Variants in VWC2 observed in about 807,000 individuals in gnomAD.
VWC2 encodes the protein brorin.
A neutral mutation model predicts 29.8 loss-of-function variants in VWC2; 14 were observed. The observed-to-expected ratio is 0.47, with a 90% CI of 0.31 to 0.74. The LOEUF is 0.74. VWC2 is among the 30% of genes least tolerant of loss of function. The probability of loss-of-function intolerance (pLI) is 0.05; values close to 1 mark genes in which losing one functional copy is unlikely to be tolerated. For synonymous variants in VWC2, 213 were observed against 199.0 expected, an observed-to-expected ratio of 1.07 and a Z score of -0.59; for missense variants, 457 against 459.8, an observed-to-expected ratio of 0.99 and a Z score of 0.05.
At chr7:49,803,061 G>A (rs188484899) in intron 3 of VWC2, among the ~76,000 whole-genome samples, 1 of 152,354 alleles carries the variant, frequency 6.6e-6, no homozygotes, top group East Asian at 1.9e-4. Flanking sequence ...ATGTTAAGAA[G>A]TTCTTTGGGG....
intron 3 of VWC2, among the ~76,000 whole-genome samples, chr7:49,846,980 C>A (rs553262381): frequency 6.6e-6 from 1 of 152,272 alleles, no homozygotes; most frequent in East Asian, 1.9e-4. Context: ...CAGTGTGAGG[C>A]TGTAAATTTC....
intron 3 of VWC2, among the ~76,000 whole-genome samples, chr7:49,901,517 T>C (rs960831734): frequency 6.6e-6 from 1 of 151,774 alleles, no homozygotes; most frequent in Non-Finnish European, 1.5e-5. Context: ...ATAAGATCTA[T>C]ATGAGGAAAA....
In VWC2 at chr7:49,877,481, A is replaced by AAAAAATATACATATATATATATATAT; in HGVS notation, c.827-34552_827-34551insAAAATATACATATATATATATATATA. 9.0e-3 allele frequency among the ~76,000 whole-genome samples: 115 copies of AAAAAATATACATATATATATATATAT among 12,728 alleles called. 33 individuals are homozygous for AAAAAATATACATATATATATATATAT. Among genetic ancestry groups the AAAAAATATACATATATATATATATAT allele is most frequent in the Non-Finnish European group, 0.013 (89 of 6,950 alleles). 8.4% of individuals were successfully genotyped at this position (12,728 alleles called of 152,430 possible). A position where few individuals can be genotyped will look rare whatever the true frequency, so the allele number is the denominator to read the frequency against. Reference sequence around the variant, plus strand: ...CTGTCTCAAAAAAAAAAAAAAAAAAAATATATATATATATATATATATATA... The same window carrying AAAAAATATACATATATATATATATAT: ...CTGTCTCAAAAAAAAAAAAAAAAAAAAAAAATATACATATATATATATATATATATATATATATATATATATATATA... On this transcript the variant is annotated intron_variant, in intron 3 of 3. Coordinates refer to ENST00000340652, the MANE Select transcript of VWC2 (RefSeq NM_198570.5).
At chr7:49,879,070 G>A (rs778408701) in intron 3 of VWC2, among the ~76,000 whole-genome samples, 2 of 152,102 alleles carry the variant, frequency 1.3e-5, no homozygotes, top group South Asian at 2.1e-4. Context: ...CTTAATATCC[G>A]GCAGTTCATT....
At chr7:49,814,538 GATAA>G (rs1049621893) in intron 3 of VWC2, among the ~76,000 whole-genome samples, 1 of 152,146 alleles carries the variant, frequency 6.6e-6, no homozygotes, top group Non-Finnish European at 1.5e-5. Context: ...TTATTTTTAA[GATAA>G]ATAAATAAAG....
rs149442988 is a variant in VWC2, at chr7:49,810,396, A to G, written c.826+7556A>G. On this transcript the variant is annotated intron_variant, in intron 3 of 3. Coordinates refer to ENST00000340652, the MANE Select transcript of VWC2 (RefSeq NM_198570.5). ...ATTGCTGAAAGAAATCAAAGGACAT[A>G]TAAATAAATGGAGAGACATTTCATG... Among the ~76,000 whole-genome samples, 652 of 152,220 alleles carry G rather than the reference A, an allele frequency of 4.3e-3. 4 individuals are homozygous for G. Among genetic ancestry groups the G allele is most frequent in the Middle Eastern group, 0.027 (8 of 294 alleles).
intron 2 of VWC2, among the ~76,000 whole-genome samples, chr7:49,798,294 C>T (rs113302259): frequency 1.3e-5 from 2 of 152,348 alleles, no homozygotes; most frequent in East Asian, 1.9e-4. Flanking sequence ...ACATTTGGGT[C>T]AGCTGCCTGG....
chr7:49,846,767 A>C (rs528302978), intron 3 of VWC2, among the ~76,000 whole-genome samples: 10 of 152,322 alleles, frequency 6.6e-5, no homozygotes, highest in African/African-American at 2.4e-4. Flanking sequence ...TAATTTCCTG[A>C]TATAGGAATG....
chr7:49,855,142 C>T (rs1011586660), intron 3 of VWC2, among the ~76,000 whole-genome samples: 13 of 152,158 alleles, frequency 8.5e-5, no homozygotes, highest in African/African-American at 3.1e-4. Context: ...AAGGCCTGCT[C>T]ACATTAGTCT....
chr7:49,892,938 C>T (rs1212639190), intron 3 of VWC2, among the ~76,000 whole-genome samples: 1 of 98,870 alleles, frequency 1.0e-5, no homozygotes, highest in East Asian at 3.9e-4. Flanking sequence ...CTGAAAAGAT[C>T]TTCAATGAAG....
At chr7:49,887,672 G>A (rs940404029) in intron 3 of VWC2, among the ~76,000 whole-genome samples, 4 of 148,122 alleles carry the variant, frequency 2.7e-5, no homozygotes, top group South Asian at 2.1e-4. Context: ...CTAAAATTTC[G>A]GTGAATTATC....
At chr7:49,893,167 G>A (rs1792217316) in intron 3 of VWC2, among the ~76,000 whole-genome samples, 1 of 152,166 alleles carries the variant, frequency 6.6e-6, no homozygotes, top group Admixed American at 6.5e-5. Context: ...TTTATATCTT[G>A]AATTTTGGTG....
At chr7:49,794,959 C>A (rs367939727) in intron 2 of VWC2, among the ~76,000 whole-genome samples, 1 of 152,198 alleles carries the variant, frequency 6.6e-6, no homozygotes, top group African/African-American at 2.4e-5. Flanking sequence ...GCTCAGTTAG[C>A]GCTCAACATT....
In VWC2 at chr7:49,905,251, A is replaced by T. The variant is rs964644511; in HGVS notation, c.827-6783A>T. ...CTATGATGTATTAGGAAAAGGGGTA[A>T]AAGACAGTACTTATCATGAGAGTAC... On this transcript the variant is annotated intron_variant, in intron 3 of 3. Transcript: ENST00000340652. Among the ~76,000 whole-genome samples the T allele has an allele frequency of 2.0e-5, 3 of 152,192 alleles. No homozygotes were observed. The South Asian group carries it at 6.2e-4, about 32-fold the overall frequency.
chr7:49,831,298 C>T (rs957918804), intron 3 of VWC2, among the ~76,000 whole-genome samples: 1 of 152,098 alleles, frequency 6.6e-6, no homozygotes. Flanking sequence ...AAATGTTAAA[C>T]CCTGTGTTTT....
chr7:49,871,172 T>C (rs1791133490), intron 3 of VWC2, among the ~76,000 whole-genome samples: 1 of 152,122 alleles, frequency 6.6e-6, no homozygotes, highest in African/African-American at 2.4e-5. Flanking sequence ...AAAATTCAAG[T>C]GGTAAAAATA....
intron 2 of VWC2, among the ~76,000 whole-genome samples, chr7:49,781,711 T>G (rs1788181398): frequency 6.6e-6 from 1 of 152,186 alleles, no homozygotes; most frequent in South Asian, 2.1e-4. Flanking sequence ...AAAGGAAAAG[T>G]TATACAAGCC....
chr7:49,851,044 A>G (rs1283460137), intron 3 of VWC2, among the ~76,000 whole-genome samples: 1 of 152,184 alleles, frequency 6.6e-6, no homozygotes, highest in Non-Finnish European at 1.5e-5. Context: ...AAGTAGATCA[A>G]GGTCCCACAG....
chr7:49,868,314 A>G (rs916085992), intron 3 of VWC2, among the ~76,000 whole-genome samples: 4 of 152,034 alleles, frequency 2.6e-5, no homozygotes, highest in Non-Finnish European at 4.4e-5. Flanking sequence ...CTTGTTTTAA[A>G]CCTCTTTAGC....
Sources: gnomAD v4.1 joint callset for allele counts (sites outside exome capture counted in the v4.1 genomes callset) on GRCh38, gnomAD v4.1.1 for gene constraint, MANE v1.5 for transcripts, NCBI Gene and HGNC (gene_info 2026-07-23, HGNC 2026-07-21) for gene names.